VEPH1: variants seen among roughly 807,000 people sequenced by gnomAD.
The protein encoded by VEPH1 is ventricular zone expressed PH domain containing 1.
In VEPH1, 80 loss-of-function variants were observed where a neutral mutation model predicts 85.2. The observed-to-expected ratio is 0.94, with a 90% CI of 0.78 to 1.13. VEPH1 has a LOEUF of 1.13. VEPH1 is among the 50% of genes most tolerant of loss of function. The pLI, the probability that VEPH1 is intolerant of heterozygous loss-of-function variation, is 0.00. For missense variants in VEPH1, 955 were observed against 980.5 expected (o/e 0.97, Z 0.35); for synonymous variants, 297 against 348.0 (o/e 0.85, Z 1.63).
intron 9 of VEPH1, among the ~76,000 whole-genome samples, chr3:157,345,540 G>A (rs946681917): frequency 1.3e-5 from 2 of 152,322 alleles, no homozygotes; most frequent in East Asian, 3.9e-4. Flanking sequence ...ACACATGCTG[G>A]AGAGGATGTG....
Position 157,470,297 on chromosome 3 carries a change from G to A in VEPH1, c.354+17C>T, listed in dbSNP as rs758109087. 3.1e-5 allele frequency: 50 copies of A among 1,612,502 alleles called. No homozygotes were observed. Among genetic ancestry groups the A allele is most frequent in the African/African-American group, 6.7e-5 (5 of 74,876 alleles). ...CCAACTCAGTATCAAATAGCCTGATGTTGAACACTGACATACCTGTAAAAT... is the reference window on the plus strand; with the variant it reads ...CCAACTCAGTATCAAATAGCCTGATATTGAACACTGACATACCTGTAAAAT... On this transcript the variant is annotated intron_variant, in intron 3 of 13. Transcript: ENST00000362010.
intron 9 of VEPH1, among the ~76,000 whole-genome samples, chr3:157,321,611 A>G (rs1721357412): frequency 1.3e-5 from 2 of 152,320 alleles, no homozygotes; most frequent in Admixed American, 1.3e-4. Flanking sequence ...AATGGCTCAG[A>G]TAAAACAGAG....
intron 6 of VEPH1, among the ~76,000 whole-genome samples, chr3:157,392,868 C>T (rs997403643): frequency 6.6e-6 from 1 of 152,092 alleles, no homozygotes; most frequent in Non-Finnish European, 1.5e-5. Flanking sequence ...TGTATCTCAC[C>T]CTATCCCCTT....
chr3:157,345,730 C>G (rs974252406), intron 9 of VEPH1, among the ~76,000 whole-genome samples: 1 of 152,108 alleles, frequency 6.6e-6, no homozygotes, highest in African/African-American at 2.4e-5. Flanking sequence ...CACATGCACA[C>G]GTATGTTCAT....
intron 4 of VEPH1, among the ~76,000 whole-genome samples, chr3:157,448,154 A>G (rs965661671): frequency 5.9e-5 from 9 of 152,142 alleles, no homozygotes; most frequent in Non-Finnish European, 1.0e-4. Context: ...GAGACTGCTC[A>G]CCAAGCAATG....
chr3:157,467,313 C>T (rs192506662), intron 3 of VEPH1, among the ~76,000 whole-genome samples: 2 of 152,038 alleles, frequency 1.3e-5, no homozygotes, highest in South Asian at 2.1e-4. Flanking sequence ...GGCAATCACT[C>T]ATTTCTTGTT....
chr3:157,405,470 A>C (rs1731076433), intron 6 of VEPH1, among the ~76,000 whole-genome samples: 1 of 152,132 alleles, frequency 6.6e-6, no homozygotes, highest in Non-Finnish European at 1.5e-5. Flanking sequence ...GAAGGAAGAA[A>C]ACAGGAACTA....
intron 12 of VEPH1, among the ~76,000 whole-genome samples, chr3:157,275,088 C>A (rs1715210570): frequency 1.3e-5 from 2 of 152,146 alleles, no homozygotes; most frequent in African/African-American, 4.8e-5. Flanking sequence ...TGACTTTCAT[C>A]CAGACTCAGA....
intron 11 of VEPH1, among the ~76,000 whole-genome samples, chr3:157,305,637 A>G (rs1719429359): frequency 6.6e-6 from 1 of 152,240 alleles, no homozygotes; most frequent in African/African-American, 2.4e-5. Flanking sequence ...GTGAAAGGAT[A>G]TGAATATTTT....
At chr3:157,454,029 T>C (rs1735176691) in intron 4 of VEPH1, among the ~76,000 whole-genome samples, 1 of 152,160 alleles carries the variant, frequency 6.6e-6, no homozygotes, top group Non-Finnish European at 1.5e-5. Context: ...CCCAAAGAGA[T>C]GAGCTAAGTT....
chr3:157,364,834 A>G (rs531451917), intron 7 of VEPH1, among the ~76,000 whole-genome samples: 38 of 152,356 alleles, frequency 2.5e-4, no homozygotes, highest in Non-Finnish European at 3.1e-4. Flanking sequence ...TGTCTTTCAC[A>G]TGAAATGTGT....
At chr3:157,269,427 G>A (rs1175912910) in intron 12 of VEPH1, among the ~76,000 whole-genome samples, 1 of 152,132 alleles carries the variant, frequency 6.6e-6, no homozygotes, top group Non-Finnish European at 1.5e-5. Context: ...CAATGAAAAT[G>A]GTTTTAGAAA....
intron 2 of VEPH1, among the ~76,000 whole-genome samples, chr3:157,486,538 A>G (rs1178246702): frequency 6.6e-6 from 1 of 151,598 alleles, no homozygotes; most frequent in African/African-American, 2.4e-5. Context: ...TAGCTTCTGA[A>G]CTCACATTCT....
At chr3:157,398,324 G>A (rs535526868) in intron 6 of VEPH1, among the ~76,000 whole-genome samples, 1 of 152,230 alleles carries the variant, frequency 6.6e-6, no homozygotes, top group East Asian at 1.9e-4. Flanking sequence ...CCCAGTAGCA[G>A]GCCAAAGCTG....
intron 12 of VEPH1, among the ~76,000 whole-genome samples, chr3:157,279,755 C>G (rs541319196): frequency 5.3e-5 from 8 of 152,126 alleles, no homozygotes; most frequent in Admixed American, 5.2e-4. Flanking sequence ...TGGTGGCTCA[C>G]GCTGGTAATC....
At chr3:157,306,424 T>G (rs965551837) in intron 11 of VEPH1, among the ~76,000 whole-genome samples, 1 of 152,160 alleles carries the variant, frequency 6.6e-6, no homozygotes, top group Non-Finnish European at 1.5e-5. Context: ...ATCATAGTTT[T>G]GCAACTTGCT....
At chr3:157,297,776 C>T (rs992202368) in intron 11 of VEPH1, among the ~76,000 whole-genome samples, 6 of 151,590 alleles carry the variant, frequency 4.0e-5, no homozygotes, top group African/African-American at 7.3e-5. Context: ...GGATTTAATA[C>T]GACGAAGAAA....
intron 3 of VEPH1, among the ~76,000 whole-genome samples, chr3:157,461,472 A>G (rs1467933263): frequency 6.6e-6 from 1 of 152,216 alleles, no homozygotes; most frequent in Non-Finnish European, 1.5e-5. Context: ...CCACTGTTAT[A>G]TTCAGATCTT....
In VEPH1 at chr3:157,304,038, T is replaced by TATATATATATATATATATAC; in HGVS notation, c.2010+9582_2010+9583insGTATATATATATATATATAT. Among the ~76,000 whole-genome samples, 327 of 96,804 alleles carry TATATATATATATATATATAC rather than the reference T, an allele frequency of 3.4e-3. 9 individuals are homozygous for TATATATATATATATATATAC. Among genetic ancestry groups the TATATATATATATATATATAC allele is most frequent in the Admixed American group, 0.013 (90 of 6,954 alleles). The allele number at this position is 96,804 out of a possible 152,430, so 63.5% of individuals were successfully genotyped here. A position where few individuals can be genotyped will look rare whatever the true frequency, so the allele number is the denominator to read the frequency against. ...CTTATATTTTTTATATATATATATA[T>TATATATATATATATATATAC]ACACACATACTGTTACATCTTATAT... On this transcript the variant is annotated intron_variant, in intron 11 of 13. Coordinates refer to ENST00000362010, the MANE Select transcript of VEPH1 (RefSeq NM_001167912.2).
Sources: allele counts gnomAD v4.1 joint callset (sites outside exome capture counted in the v4.1 genomes callset), GRCh38; gene constraint gnomAD v4.1.1; transcripts MANE v1.5; gene names NCBI Gene and HGNC (gene_info 2026-07-23, HGNC 2026-07-21).